Variants in GSK3B observed in about 807,000 individuals in gnomAD.
The protein encoded by GSK3B is glycogen synthase kinase 3 beta, also known as glycogen synthase kinase-3 beta.
A neutral mutation model predicts 56.4 loss-of-function variants in GSK3B; 15 were observed. The observed-to-expected ratio is 0.27, with a 90% CI of 0.18 to 0.41. GSK3B has a LOEUF of 0.41. Ranked by LOEUF, GSK3B falls within the 10% of genes least tolerant of loss-of-function variation. GSK3B has a pLI of 1.00. For synonymous variants in GSK3B, 181 were observed against 188.9 expected, an observed-to-expected ratio of 0.96 and a Z score of 0.34; for missense variants, 300 against 513.4, an observed-to-expected ratio of 0.58 and a Z score of 4.02.
intron 1 of GSK3B, among the ~76,000 whole-genome samples, chr3:120,032,654 A>C (rs2107523420): frequency 6.6e-6 from 1 of 152,326 alleles, no homozygotes; most frequent in Admixed American, 6.5e-5. Context: ...TCTCTAAAAA[A>C]TAAAAATGTG....
At chr3:119,845,647 A>C (rs1399874858) in intron 9 of GSK3B, among the ~76,000 whole-genome samples, 1 of 152,242 alleles carries the variant, frequency 6.6e-6, no homozygotes, top group Non-Finnish European at 1.5e-5. Context: ...ACCACTGCTC[A>C]AGGAAATAAG....
At chr3:120,002,343 T>A in intron 1 of GSK3B, 104 bp from the exon 2 acceptor site, 1 of 552,344 alleles carries the variant, frequency 1.8e-6, no homozygotes, top group Non-Finnish European at 2.8e-6. Flanking sequence ...TTTTTTATTT[T>A]ATTTTTTTTT....
At chr3:120,082,134 G>T (rs2058424790) in intron 1 of GSK3B, among the ~76,000 whole-genome samples, 1 of 151,958 alleles carries the variant, frequency 6.6e-6, no homozygotes, top group African/African-American at 2.4e-5. Flanking sequence ...CCTACAGCAA[G>T]CCCCCTTCTG....
intron 10 of GSK3B, among the ~76,000 whole-genome samples, chr3:119,839,556 C>G (rs2055741108): frequency 6.6e-6 from 1 of 152,052 alleles, no homozygotes; most frequent in Non-Finnish European, 1.5e-5. Flanking sequence ...ACCTGAATTG[C>G]AATGATGCTG....
At chr3:120,005,838 A>G (rs1352231684) in intron 1 of GSK3B, among the ~76,000 whole-genome samples, 2 of 152,202 alleles carry the variant, frequency 1.3e-5, no homozygotes, top group African/African-American at 2.4e-5. Context: ...AATTATAAAG[A>G]CCATCGATGC....
At chr3:120,062,878 G>A (rs1027434614) in intron 1 of GSK3B, among the ~76,000 whole-genome samples, 1 of 152,058 alleles carries the variant, frequency 6.6e-6, no homozygotes, top group Non-Finnish European at 1.5e-5. Flanking sequence ...AAGTAAAGAG[G>A]AATATATACC....
At chr3:119,879,099 C>T (rs1446870155) in intron 7 of GSK3B, among the ~76,000 whole-genome samples, 1 of 152,158 alleles carries the variant, frequency 6.6e-6, no homozygotes, top group African/African-American at 2.4e-5. Context: ...ATATGAGACA[C>T]TCTGATATAG....
rs1197618651 is a variant in GSK3B, at chr3:120,093,580, A to C, written c.-146T>G. 1 of 596,320 alleles carries C rather than the reference A, an allele frequency of 1.7e-6. No individual in the cohort carries two copies. The highest frequency in any genetic ancestry group is 3.0e-6 in the Non-Finnish European group (1 of 331,788). The allele number at this position is 596,320 out of a possible 1,614,324, so 36.9% of individuals were successfully genotyped here. Reference sequence around the variant, plus strand: ...AAAGACTTCGTCCTCTTGGCTTTTCACTCCTTTTGTATACTATAAAAAACA... The same window carrying C: ...AAAGACTTCGTCCTCTTGGCTTTTCCCTCCTTTTGTATACTATAAAAAACA... On this transcript the variant is annotated 5_prime_UTR_variant, in exon 1 of 11. Coordinates refer to ENST00000264235, the MANE Select transcript of GSK3B (RefSeq NM_001146156.2).
intron 1 of GSK3B, among the ~76,000 whole-genome samples, chr3:120,043,115 T>C (rs114797873): frequency 0.011 from 1,639 of 152,250 alleles, 24 homozygotes; most frequent in African/African-American, 0.038. Context: ...AATAACAGCC[T>C]GGGGATCACG....
At chr3:120,046,654 G>A (rs2058106174) in intron 1 of GSK3B, among the ~76,000 whole-genome samples, 1 of 151,890 alleles carries the variant, frequency 6.6e-6, no homozygotes, top group South Asian at 2.1e-4. Flanking sequence ...GTCTGCCCAG[G>A]CTGGAGTGCA....
At chr3:119,865,288 G>C (rs2056161507) in intron 8 of GSK3B, among the ~76,000 whole-genome samples, 1 of 151,550 alleles carries the variant, frequency 6.6e-6, no homozygotes, top group African/African-American at 2.4e-5. Flanking sequence ...GGAATTAAAA[G>C]TAGCACCAAA....
chr3:120,028,732 T>A (rs1422337443), intron 1 of GSK3B: 7 of 467,008 alleles, frequency 1.5e-5, no homozygotes, highest in Non-Finnish European at 3.0e-5. Flanking sequence ...GGGGCAGAGG[T>A]TGGGAAGATG....
rs552969829 is a variant in GSK3B at position 120,036,439 on chromosome 3, A to G, written c.89-34200T>C. On this transcript the variant is annotated intron_variant, in intron 1 of 10. Transcript: ENST00000264235. ...AGAGTATCGCCAATTAAAGTATCTA[A>G]GAGAAGGGGGTACCATGACTAACTT... Among the ~76,000 whole-genome samples, 32 of 152,306 alleles carry G rather than the reference A, an allele frequency of 2.1e-4. No individual in the cohort carries two copies. In the East Asian group the frequency reaches 5.8e-3, roughly 28 times the overall value.
rs1491383683 is a variant in GSK3B, at chr3:120,079,349, CAT to C, written c.88+13996_88+13997del. Among the ~76,000 whole-genome samples, 44 of 97,838 alleles carry C rather than the reference CAT, an allele frequency of 4.5e-4. No homozygotes were observed. The South Asian group carries it at 0.01, about 23-fold the overall frequency. The allele number at this position is 97,838 out of a possible 152,430, so 64.2% of individuals were successfully genotyped here. ...ACACACACACACACACACACACACA[CAT>C]TTTTTTTTTTAATAAGTAGACTACT... On this transcript the variant is annotated intron_variant, in intron 1 of 10. Coordinates refer to ENST00000264235, the MANE Select transcript of GSK3B (RefSeq NM_001146156.2).
Position 120,094,388 on chromosome 3 carries a change from G to T in GSK3B, c.-954C>A. ...CCTTCCTTTGTCACTTGGCCCGGGC[G>T]GCGGCGGCGGCGGCGGCGGCACAAG... On this transcript the variant is annotated 5_prime_UTR_variant, in exon 1 of 11. Transcript: ENST00000264235. The T allele has an allele frequency of 3.2e-6, 1 of 310,108 alleles. No individual in the cohort carries two copies. The highest frequency in any genetic ancestry group is 5.7e-5 in the East Asian group (1 of 17,616). The allele number at this position is 310,108 out of a possible 1,614,324, so 19.2% of individuals were successfully genotyped here. A position where few individuals can be genotyped will look rare whatever the true frequency, so the allele number is the denominator to read the frequency against.
rs1577291868 is a variant in GSK3B, at chr3:119,821,547, A to C, written c.*5241T>G. The C allele has an allele frequency of 6.6e-6, 1 of 152,362 alleles. No individual in the cohort carries two copies. Among genetic ancestry groups the C allele is most frequent in the East Asian group, 1.9e-4 (1 of 5,190 alleles). The allele number at this position is 152,362 out of a possible 1,614,324, so 9.4% of individuals were successfully genotyped here. On this transcript the variant is annotated 3_prime_UTR_variant, in exon 11 of 11. Coordinates refer to ENST00000264235, the MANE Select transcript of GSK3B (RefSeq NM_001146156.2). Reference sequence around the variant, plus strand: ...GCCCCACTGTTCGTGGTGTCCATATATTTTACAGAGACCCCCAAAGACCAT... The same window carrying C: ...GCCCCACTGTTCGTGGTGTCCATATCTTTTACAGAGACCCCCAAAGACCAT...
intron 2 of GSK3B, among the ~76,000 whole-genome samples, chr3:119,948,842 G>A (rs567524318): frequency 6.6e-6 from 1 of 152,146 alleles, no homozygotes; most frequent in African/African-American, 2.4e-5. Context: ...GGGATTACAG[G>A]CGCCTGCCAC....
chr3:120,039,563 T>G (rs1000996517), intron 1 of GSK3B, among the ~76,000 whole-genome samples: 1 of 152,148 alleles, frequency 6.6e-6, no homozygotes, highest in Non-Finnish European at 1.5e-5. Flanking sequence ...TTAAACACTC[T>G]GCACCCATTC....
chr3:119,962,095 G>A lies in GSK3B; in HGVS notation c.283-14744C>T, dbSNP rs567725839. Among the ~76,000 whole-genome samples the A allele has an allele frequency of 3.3e-5, 5 of 152,288 alleles. No individual in the cohort carries two copies. The East Asian group carries it at 9.6e-4, about 29-fold the overall frequency. On this transcript the variant is annotated intron_variant, in intron 2 of 10. Coordinates refer to ENST00000264235, the MANE Select transcript of GSK3B (RefSeq NM_001146156.2). ...ATGTGTATATGAAAAGCCCATAACT[G>A]CTGGGCATGGTGGCCCACCCCTGTA... is the stretch of plus-strand genomic sequence containing the variant.
Sources: allele counts gnomAD v4.1 joint callset (sites outside exome capture counted in the v4.1 genomes callset), GRCh38; gene constraint gnomAD v4.1.1; transcripts MANE v1.5; gene names NCBI Gene and HGNC (gene_info 2026-07-23, HGNC 2026-07-21).